PIP5KL1: variants seen among roughly 807,000 people sequenced by gnomAD.
PIP5KL1 encodes the protein phosphatidylinositol 4-phosphate 5-kinase-like protein 1.
A neutral mutation model predicts 47.6 loss-of-function variants in PIP5KL1; 45 were observed. The ratio of observed to expected loss-of-function variants is 0.94; its 90% CI spans 0.74 to 1.21. The LOEUF (loss-of-function observed/expected upper bound fraction) is 1.21. Among genes scored for constraint, PIP5KL1 ranks in the 50% most tolerant of loss-of-function variants. The pLI is 0.00. For missense variants in PIP5KL1, 577 were observed against 547.6 expected, an observed-to-expected ratio of 1.05 and a Z score of -0.54; for synonymous variants, 256 against 234.6, an observed-to-expected ratio of 1.09 and a Z score of -0.84.
At position 127,925,151 on chromosome 9, in the gene PIP5KL1, C is replaced by T; in HGVS notation, c.873G>A (p.Glu291=). ...GGCTGCTGCCCGGGCCCCTCTCATCCTCGTGGAGACGTTGGAAGGCTATCA... is the reference window on the plus strand; with the variant it reads ...GGCTGCTGCCCGGGCCCCTCTCATCTTCGTGGAGACGTTGGAAGGCTATCA... ...SLLIAFQRLH[E]DERGPGSSLI... is the part of the protein sequence containing the mutation. The change falls in exon 9 of 10, where the codon GAG becomes GAA. Residue 291 remains glutamate (E), a synonymous_variant. Transcript: ENST00000388747. 1 of 1,614,158 alleles carries T rather than the reference C, an allele frequency of 6.2e-7. No homozygotes were observed. Among genetic ancestry groups the T allele is most frequent in the Non-Finnish European group, 8.5e-7 (1 of 1,180,030 alleles).
Position 127,922,011 on chromosome 9 carries a change from G to A in PIP5KL1, c.1021C>T (p.Arg341Cys), listed in dbSNP as rs761965414. 2.1e-5 allele frequency: 33 copies of A among 1,575,386 alleles called. No homozygotes were observed. The highest frequency in any genetic ancestry group is 2.1e-5 in the Non-Finnish European group (24 of 1,161,700). Residue 341 changes from arginine (R) to cysteine (C), a missense_variant, in exon 10 of 10, where the codon CGC becomes TGC. By Grantham distance (180) the Arg-to-Cys change is radical. Transcript: ENST00000388747. The stretch of plus-strand genomic sequence containing the variant: ...AGATCCACGACGCCCAGGAAATAGC[G>A]CTGCTCGGGCCCGTCCAGGATGTGT... ...ALHILDGPEQ[R>C]YFLGVVDLAT...
Position 127,922,037 on chromosome 9 carries a change from A to AGGGCGTTGG in PIP5KL1, c.986_994dup (p.Pro329_Ala331dup), listed in dbSNP as rs1215324469. On this transcript the variant is annotated inframe_insertion, in exon 10 of 10. Transcript: ENST00000388747. ...CTGCTCGGGCCCGTCCAGGATGTGT[A>AGGGCGTTGG]GGGCGTTGGGGGCGTCGGGCAGCAG... 6.4e-6 allele frequency: 10 copies of AGGGCGTTGG among 1,573,326 alleles called. No homozygotes were observed. The highest frequency in any genetic ancestry group is 8.6e-6 in the Non-Finnish European group (10 of 1,160,792).
Position 127,922,042 on chromosome 9 carries a change from G to T in PIP5KL1, c.990C>A (p.Asn330Lys). ...CGGGCCCGTCCAGGATGTGTAGGGC[G>T]TTGGGGGCGTCGGGCAGCAGCCGGC... is the stretch of plus-strand genomic sequence containing the variant. ...QNRRLLPDAP[N>K]ALHILDGPEQ... The change falls in exon 10 of 10, where the codon AAC becomes AAA. Residue 330 changes from asparagine (N) to lysine (K), a missense_variant. Transcript: ENST00000388747. The T allele has an allele frequency of 1.3e-6, 2 of 1,569,256 alleles. No homozygotes were observed. The highest frequency in any genetic ancestry group is 1.7e-4 in the Middle Eastern group (1 of 6,004).
rs779317038 is a variant in PIP5KL1, at chr9:127,929,837, G to A, written c.79C>T (p.Arg27Trp). Residue 27 changes from arginine (R) to tryptophan (W), a missense_variant, in exon 2 of 10, where the codon CGG (arginine) becomes TGG (tryptophan). Arg to Trp is a moderately radical substitution (Grantham distance 101, BLOSUM62 -3). Coordinates refer to ENST00000388747, the MANE Select transcript of PIP5KL1 (RefSeq NM_001135219.2). The surrounding 1 kb of genome is among the most constrained non-coding windows in gnomAD (Gnocchi z 4.0). ...EAGCRAVTSS[R>W]RGLLWRLRDK... is the part of the protein sequence containing the mutation. ...CGGAGGCGCCAGAGAAGCCCCCGCC[G>A]GCTGGAGGTGACTGCTCTGCATCCA... 9.1e-6 allele frequency: 14 copies of A among 1,546,950 alleles called. No individual in the cohort carries two copies. Among genetic ancestry groups the A allele is most frequent in the African/African-American group, 2.7e-5 (2 of 72,976 alleles).
intron 4 of PIP5KL1, 24 bp downstream of exon 4, chr9:127,928,041 G>GCCCCACCCCTT: frequency 6.6e-7 from 1 of 1,506,302 alleles, no homozygotes; most frequent in Non-Finnish European, 8.9e-7. Flanking sequence ...TCCCACCCCT[G>GCCCCACCCCTT]CCCCACCCCT....
intron 1 of PIP5KL1, among the ~76,000 whole-genome samples, chr9:127,930,404 C>G (rs555145158): frequency 6.6e-6 from 1 of 152,380 alleles, no homozygotes; most frequent in Admixed American, 6.5e-5. Context: ...CTTTTCATAG[C>G]CGCTGACCCA....
At position 127,930,651 on chromosome 9, in the gene PIP5KL1, C is replaced by T. The variant is rs893362229; in HGVS notation, c.30+72G>A. The T allele has an allele frequency of 2.8e-6, 4 of 1,447,696 alleles. No individual in the cohort carries two copies. In the African/African-American group the frequency reaches 5.9e-5, roughly 21 times the overall value. The allele number at this position is 1,447,696 out of a possible 1,614,324, so 89.7% of individuals were successfully genotyped here. On this transcript the variant is annotated intron_variant, in intron 1 of 9. Transcript: ENST00000388747. ...CTTGGATGGGGGCGTGTCCGCGCCGCTCGCCGAGGGGAGGCCCGGCCCCTG... is the reference window on the plus strand; with the variant it reads ...CTTGGATGGGGGCGTGTCCGCGCCGTTCGCCGAGGGGAGGCCCGGCCCCTG...
chr9:127,923,551 C>CA (rs761411694), intron 9 of PIP5KL1, among the ~76,000 whole-genome samples: 1 of 152,270 alleles, frequency 6.6e-6, no homozygotes, highest in African/African-American at 2.4e-5. Flanking sequence ...CTTGGATGGG[C>CA]AGGTGTGGGA....
chr9:127,927,043 G>T lies in PIP5KL1; in HGVS notation c.650+110C>A, dbSNP rs955632111. The T allele has an allele frequency of 4.7e-6, 6 of 1,269,180 alleles. No homozygotes were observed. Among genetic ancestry groups the T allele is most frequent in the Admixed American group, 2.7e-5 (1 of 36,776 alleles). 78.6% of individuals were successfully genotyped at this position (1,269,180 alleles called of 1,614,324 possible). ...CTCTGACCCACCAGATCTTGGGAACGCCCCTTCTCCTTCCTGGGCCTCGGT... is the reference window on the plus strand; with the variant it reads ...CTCTGACCCACCAGATCTTGGGAACTCCCCTTCTCCTTCCTGGGCCTCGGT... On this transcript the variant is annotated intron_variant, in intron 7 of 9. Transcript: ENST00000388747. This position sits in a 1 kb window ranked among gnomAD's most constrained non-coding sequence, Gnocchi z 5.5.
Position 127,927,216 on chromosome 9 carries a change from C to A in PIP5KL1, c.595-8G>T. ...CATGACGATGAAGTACGTCTGGGGG[C>A]CGGGACAGGGAGTGAGGGAGGCCGG... is the stretch of plus-strand genomic sequence containing the variant. On this transcript the variant is annotated splice_region_variant and splice_polypyrimidine_tract_variant and intron_variant, in intron 6 of 9. Coordinates refer to ENST00000388747, the MANE Select transcript of PIP5KL1 (RefSeq NM_001135219.2). This position sits in a 1 kb window ranked among gnomAD's most constrained non-coding sequence, Gnocchi z 5.5. 6.2e-7 allele frequency: 1 copy of A among 1,613,042 alleles called. No individual in the cohort carries two copies. The highest frequency in any genetic ancestry group is 8.5e-7 in the Non-Finnish European group (1 of 1,179,744).
chr9:127,930,465 C>T (rs1831420014), intron 1 of PIP5KL1, among the ~76,000 whole-genome samples: 1 of 152,240 alleles, frequency 6.6e-6, no homozygotes, highest in Non-Finnish European at 1.5e-5. Flanking sequence ...AGCTTGACCT[C>T]CTAACAGCTC....
Position 127,921,327 on chromosome 9 carries a change from A to C in PIP5KL1, c.*520T>G, listed in dbSNP as rs1831277668. 1.9e-5 allele frequency: 3 copies of C among 154,750 alleles called. No homozygotes were observed. The highest frequency in any genetic ancestry group is 4.8e-5 in the African/African-American group (2 of 41,482). The allele number at this position is 154,750 out of a possible 1,614,324, so 9.6% of individuals were successfully genotyped here. A position where few individuals can be genotyped will look rare whatever the true frequency, so the allele number is the denominator to read the frequency against. ...ATCCCTAGAGTATCAGGCCAGGAGC[A>C]GGGGGCCGGGAGGCCTGGGTACTCA... On this transcript the variant is annotated 3_prime_UTR_variant, in exon 10 of 10. Transcript: ENST00000388747.
At chr9:127,922,712 GA>G (rs1405938550) in intron 9 of PIP5KL1, among the ~76,000 whole-genome samples, 1 of 78,140 alleles carries the variant, frequency 1.3e-5, no homozygotes, top group African/African-American at 4.2e-5. Context: ...AAAAAAAAAA[GA>G]AAAAAGAAAA....
intron 1 of PIP5KL1, 36 bp downstream of exon 1, chr9:127,930,687 C>G (rs1361192132): frequency 5.2e-6 from 8 of 1,538,080 alleles, no homozygotes; most frequent in Admixed American, 1.9e-5. Flanking sequence ...CCCACCAACC[C>G]TTCCCTCTCC....
rs1004933781 is a variant in PIP5KL1, at chr9:127,927,405, C to G, written c.560-74G>C. On this transcript the variant is annotated intron_variant, in intron 5 of 9. Transcript: ENST00000388747. The surrounding 1 kb of genome is among the most constrained non-coding windows in gnomAD (Gnocchi z 5.5). The stretch of plus-strand genomic sequence containing the variant: ...GGGGTGCATCCGGCGCCAATCCCAG[C>G]GCCAGGCCACGCCTCCTTCTCAAGA... 6 of 1,527,888 alleles carry G rather than the reference C, an allele frequency of 3.9e-6. No individual in the cohort carries two copies. The African/African-American group carries it at 8.2e-5, about 21-fold the overall frequency. The allele number at this position is 1,527,888 out of a possible 1,614,324, so 94.6% of individuals were successfully genotyped here. A position where few individuals can be genotyped will look rare whatever the true frequency, so the allele number is the denominator to read the frequency against.
chr9:127,928,269 T>C, intron 3 of PIP5KL1, 50 bp from the exon 4 acceptor site: 2 of 1,530,780 alleles, frequency 1.3e-6, no homozygotes, highest in Non-Finnish European at 1.8e-6. Context: ...GGCCCGGGTG[T>C]GTGCAGTTGG....
In PIP5KL1 at chr9:127,928,468, C is replaced by T. The variant is rs1265777911; in HGVS notation, c.244G>A (p.Asp82Asn). The T allele has an allele frequency of 1.3e-6, 2 of 1,597,094 alleles. No homozygotes were observed. The highest frequency in any genetic ancestry group is 8.5e-7 in the Non-Finnish European group (1 of 1,173,494). ...DHPPTGPPSR[D>N]DFSEVLTQVH... ...TGGGTTAGGACCTCCGAGAAATCGT[C>T]CCGGGAGGGCGGCCCCTGCAGGGAG... Residue 82 changes from aspartate to asparagine, a missense_variant, in exon 3 of 10, where the codon GAC becomes AAC. Coordinates refer to ENST00000388747, the MANE Select transcript of PIP5KL1 (RefSeq NM_001135219.2).
At position 127,925,162 on chromosome 9, in the gene PIP5KL1, G is replaced by A. The variant is rs753467195; in HGVS notation, c.862C>T (p.Arg288Cys). ...GGGCCCCTCTCATCCTCGTGGAGACGTTGGAAGGCTATCAGGAGGCTGTAA... is the reference window on the plus strand; with the variant it reads ...GGGCCCCTCTCATCCTCGTGGAGACATTGGAAGGCTATCAGGAGGCTGTAA... ...LDYSLLIAFQ[R>C]LHEDERGPGS... The change falls in exon 9 of 10, where the codon CGT (arginine) becomes TGT (cysteine). Residue 288 changes from arginine (R) to cysteine (C), a missense_variant. Transcript: ENST00000388747. The A allele has an allele frequency of 6.8e-6, 11 of 1,614,054 alleles. No individual in the cohort carries two copies. In the African/African-American group the frequency reaches 8.0e-5, roughly 12 times the overall value.
Position 127,927,840 on chromosome 9 carries a change from C to T in PIP5KL1, c.435-68G>A, listed in dbSNP as rs911863633. ...AGCGGCTCCCACCCGGCCCCCTTCC[C>T]CGACCTGTGCACGTGGATCTCGCTC... is the stretch of plus-strand genomic sequence containing the variant. On this transcript the variant is annotated intron_variant, in intron 4 of 9. Coordinates refer to ENST00000388747, the MANE Select transcript of PIP5KL1 (RefSeq NM_001135219.2). The surrounding 1 kb of genome is among the most constrained non-coding windows in gnomAD (Gnocchi z 5.5). 3.6e-5 allele frequency: 55 copies of T among 1,518,922 alleles called. No individual in the cohort carries two copies. The East Asian group carries it at 1.2e-3, about 33-fold the overall frequency. The allele number at this position is 1,518,922 out of a possible 1,614,324, so 94.1% of individuals were successfully genotyped here.
Sources: gnomAD v4.1 joint callset for allele counts (sites outside exome capture counted in the v4.1 genomes callset) on GRCh38, gnomAD v4.1.1 for gene constraint, Gnocchi (gnomAD v3.1) non-coding constraint, MANE v1.5 for transcripts, NCBI Gene and HGNC (gene_info 2026-07-23, HGNC 2026-07-21) for gene names.